NLRP8: variants seen among roughly 807,000 people sequenced by gnomAD.
The protein encoded by NLRP8 is NACHT, LRR and PYD domains-containing protein 8.
NLRP8 carries 86 observed loss-of-function variants against 88.7 expected under a neutral mutation model. The observed-to-expected ratio is 0.97, with a 90% CI of 0.81 to 1.16. The LOEUF is 1.16. Among genes scored for constraint, NLRP8 ranks in the 50% most tolerant of loss-of-function variants. The probability of loss-of-function intolerance (pLI) is 0.00; values close to 1 mark genes in which losing one functional copy is unlikely to be tolerated. For synonymous variants in NLRP8, 504 were observed against 494.6 expected (o/e 1.02, Z -0.25); for missense variants, 1,342 against 1,286.5 (o/e 1.04, Z -0.66).
chr19:55,954,477 A>T (rs1313083908), intron 2 of NLRP8, 24 bp from the exon 3 acceptor site: 1 of 1,604,306 alleles, frequency 6.2e-7, no homozygotes, highest in South Asian at 1.1e-5. Flanking sequence ...CATACCCTTT[A>T]TTTCTCCCAT....
rs184585174 is a variant in NLRP8 at position 55,977,186 on chromosome 19, A to C, written c.2876+883A>C. Among the ~76,000 whole-genome samples, 1,177 of 132,312 alleles carry C rather than the reference A, an allele frequency of 8.9e-3. 25 individuals are homozygous for C. Among genetic ancestry groups the C allele is most frequent in the African/African-American group, 0.032 (1,137 of 35,828 alleles). 86.8% of individuals were successfully genotyped at this position (132,312 alleles called of 152,430 possible). On this transcript the variant is annotated intron_variant, in intron 8 of 9. Transcript: ENST00000291971. ...AGATACATAAGATACATATATACAT[A>C]TATACGTATATAAAGATACATAAGA...
intron 9 of NLRP8, among the ~76,000 whole-genome samples, chr19:55,984,651 T>C (rs1600320889): frequency 1.9e-5 from 2 of 107,744 alleles, no homozygotes; most frequent in Admixed American, 2.1e-4. Flanking sequence ...CAAAACACTG[T>C]CTCCAAAAAA....
At chr19:55,973,363 A>G (rs1980163574) in intron 6 of NLRP8, among the ~76,000 whole-genome samples, 1 of 152,128 alleles carries the variant, frequency 6.6e-6, no homozygotes, top group South Asian at 2.1e-4. Flanking sequence ...ATAGATTGTA[A>G]AGATTTTCTC....
chr19:55,980,615 G>T (rs142194603), intron 9 of NLRP8, among the ~76,000 whole-genome samples: 79 of 152,276 alleles, frequency 5.2e-4, no homozygotes, highest in African/African-American at 1.8e-3. Flanking sequence ...TCTCCAGGGA[G>T]TTGCTCATGA....
rs776827139 is a variant in NLRP8, at chr19:55,956,040, C to T, written c.1982C>T (p.Thr661Ile). Residue 661 changes from threonine to isoleucine, a missense_variant, in exon 3 of 10, where the codon ACC becomes ATC. By Grantham distance (89) the Thr-to-Ile change is moderately conservative (BLOSUM62 -1). Coordinates refer to ENST00000291971, the MANE Select transcript of NLRP8 (RefSeq NM_176811.2). Reference sequence around the variant, plus strand: ...CAATATTTGCATGAGGTGGAACTGACCGTCACCCTGAACTTCATGAACGTG... The same window carrying T: ...CAATATTTGCATGAGGTGGAACTGATCGTCACCCTGAACTTCATGAACGTG... 2.0e-5 allele frequency: 32 copies of T among 1,613,974 alleles called. No individual in the cohort carries two copies. In the African/African-American group the frequency reaches 3.1e-4, roughly 15 times the overall value.
At chr19:55,972,100 T>C (rs1980098069) in intron 6 of NLRP8, among the ~76,000 whole-genome samples, 1 of 144,972 alleles carries the variant, frequency 6.9e-6, no homozygotes, top group African/African-American at 2.6e-5. Context: ...CATATATTTA[T>C]TTTCTATGTT....
chr19:55,967,154 G>A (rs1383020838), intron 5 of NLRP8, among the ~76,000 whole-genome samples: 1 of 152,142 alleles, frequency 6.6e-6, no homozygotes, highest in Non-Finnish European at 1.5e-5. Context: ...GCAAATACTA[G>A]GTCTTATTCT....
At chr19:55,957,672 AT>A (rs201147996) in intron 3 of NLRP8, among the ~76,000 whole-genome samples, 90,758 of 120,358 alleles carry the variant, frequency 0.75, 33,498 homozygotes, top group East Asian at 0.89. Context: ...AAAAATAATA[AT>A]TATATATATA....
chr19:55,960,092 C>G (rs1671205994), intron 3 of NLRP8, among the ~76,000 whole-genome samples: 1 of 151,868 alleles, frequency 6.6e-6, no homozygotes, highest in East Asian at 1.9e-4. Context: ...CCTTCATTAT[C>G]CTGTCATACT....
chr19:55,959,488 A>G (rs1979519951), intron 3 of NLRP8, among the ~76,000 whole-genome samples: 1 of 150,684 alleles, frequency 6.6e-6, no homozygotes, highest in African/African-American at 2.4e-5. Flanking sequence ...CTGGGATTAC[A>G]GGCGTGAGCC....
Position 55,955,427 on chromosome 19 carries a change from T to C in NLRP8, c.1369T>C (p.Leu457=), listed in dbSNP as rs769111059. Reference sequence around the variant, plus strand: ...AGCACAACTGGAAGGTCTGTGTCACTTGGCCGCAGACAGCATGTGGCACAG... The same window carrying C: ...AGCACAACTGGAAGGTCTGTGTCACCTGGCCGCAGACAGCATGTGGCACAG... The change falls in exon 3 of 10, where the codon TTG becomes CTG. Residue 457 remains leucine, a synonymous_variant. Coordinates refer to ENST00000291971, the MANE Select transcript of NLRP8 (RefSeq NM_176811.2). The C allele has an allele frequency of 3.7e-6, 6 of 1,614,086 alleles. No homozygotes were observed. Among genetic ancestry groups the C allele is most frequent in the Non-Finnish European group, 8.5e-7 (1 of 1,180,032 alleles).
intron 3 of NLRP8, among the ~76,000 whole-genome samples, chr19:55,960,881 G>A (rs1034510255): frequency 4.2e-5 from 6 of 143,416 alleles, no homozygotes; most frequent in African/African-American, 1.0e-4. Flanking sequence ...CTTTTGGGTT[G>A]CTTTCAACTA....
At chr19:55,971,395 C>T (rs1179314823) in intron 6 of NLRP8, among the ~76,000 whole-genome samples, 2 of 143,218 alleles carry the variant, frequency 1.4e-5, no homozygotes, top group African/African-American at 2.6e-5. Context: ...GAGCCGAGAT[C>T]GCACCACTGC....
At chr19:55,975,345 C>T (rs1980263555) in intron 7 of NLRP8, among the ~76,000 whole-genome samples, 1 of 152,184 alleles carries the variant, frequency 6.6e-6, no homozygotes, top group South Asian at 2.1e-4. Flanking sequence ...GGAACGGTGC[C>T]ACTGCTTTGG....
At chr19:55,979,703 G>C (rs2123226955) in intron 9 of NLRP8, 139 bp downstream of exon 9, 4 of 886,354 alleles carry the variant, frequency 4.5e-6, no homozygotes, top group South Asian at 1.7e-5. Flanking sequence ...CAGATCGCTT[G>C]AGTCTGGAGT....
At chr19:55,960,958 G>A (rs1979583886) in intron 3 of NLRP8, among the ~76,000 whole-genome samples, 1 of 138,174 alleles carries the variant, frequency 7.2e-6, no homozygotes, top group South Asian at 2.3e-4. Context: ...CTAGAGTGCA[G>A]TGGAACAATC....
At chr19:55,952,462 C>T in intron 1 of NLRP8, 76 bp from the exon 2 acceptor site, 1 of 1,192,980 alleles carries the variant, frequency 8.4e-7, no homozygotes, top group Non-Finnish European at 1.2e-6. Context: ...CCTAAAAAGG[C>T]CATTGGCTCC....
intron 8 of NLRP8, among the ~76,000 whole-genome samples, chr19:55,978,116 C>A (rs1231611775): frequency 6.6e-6 from 1 of 151,942 alleles, no homozygotes; most frequent in East Asian, 1.9e-4. Context: ...TCCAGTATAC[C>A]TGTGGGGCTA....
chr19:55,970,812 A>ATG, intron 6 of NLRP8, 116 bp downstream of exon 6: 1 of 1,339,968 alleles, frequency 7.5e-7, no homozygotes, highest in Middle Eastern at 2.3e-4. Flanking sequence ...AGGAGCAAAC[A>ATG]TAAGTCTTGT....
Sources: allele counts gnomAD v4.1 joint callset (sites outside exome capture counted in the v4.1 genomes callset), GRCh38; gene constraint gnomAD v4.1.1; transcripts MANE v1.5; gene names NCBI Gene and HGNC (gene_info 2026-07-23, HGNC 2026-07-21).